Variants in DOCK2 observed in about 807,000 individuals in gnomAD.
The protein encoded by DOCK2 is dedicator of cytokinesis 2.
In DOCK2, 87 loss-of-function variants were observed where a neutral mutation model predicts 248.9. The observed-to-expected ratio is 0.35, with a 90% CI of 0.29 to 0.42. The LOEUF (loss-of-function observed/expected upper bound fraction) is 0.42. Among genes scored for constraint, DOCK2 ranks in the 10% least tolerant of loss-of-function variants. DOCK2 has a pLI of 1.00. For synonymous variants in DOCK2, 805 were observed against 821.6 expected, an observed-to-expected ratio of 0.98 and a Z score of 0.35; for missense variants, 1,747 against 2,300.2, an observed-to-expected ratio of 0.76 and a Z score of 4.92.
intron 27 of DOCK2, among the ~76,000 whole-genome samples, chr5:169,874,497 G>A (rs771900258): frequency 1.3e-4 from 19 of 151,448 alleles, no homozygotes; most frequent in African/African-American, 4.4e-4. Flanking sequence ...CAGATTCTGC[G>A]TGGCATTTAG....
chr5:169,735,836 A>G (rs767877976), intron 22 of DOCK2, among the ~76,000 whole-genome samples: 3 of 152,116 alleles, frequency 2.0e-5, no homozygotes, highest in East Asian at 3.9e-4. Flanking sequence ...AATGGACTCA[A>G]CACTTCCACA....
chr5:169,863,366 T>C (rs1561773812), intron 27 of DOCK2, among the ~76,000 whole-genome samples: 1 of 152,236 alleles, frequency 6.6e-6, no homozygotes, highest in Admixed American at 6.5e-5. Flanking sequence ...CTTAGCCTTA[T>C]CTATGTTACT....
At chr5:169,814,473 C>T (rs777284534) in intron 26 of DOCK2, among the ~76,000 whole-genome samples, 26 of 152,064 alleles carry the variant, frequency 1.7e-4, no homozygotes, top group Non-Finnish European at 3.1e-4. Context: ...GAATCATGGA[C>T]GAGAAAATGG....
At chr5:170,047,840 G>A (rs965806698) in intron 40 of DOCK2, among the ~76,000 whole-genome samples, 2 of 152,146 alleles carry the variant, frequency 1.3e-5, no homozygotes, top group African/African-American at 2.4e-5. Flanking sequence ...CAGCTGCCTC[G>A]TGAGGTAGTG....
At chr5:170,034,682 G>A in intron 35 of DOCK2, 127 bp downstream of exon 35, 3 of 1,321,002 alleles carry the variant, frequency 2.3e-6, no homozygotes, top group Non-Finnish European at 3.0e-6. Flanking sequence ...AGACAAATGT[G>A]GAATGGAACG....
chr5:169,771,129 T>G (rs1765063286), intron 25 of DOCK2, among the ~76,000 whole-genome samples: 1 of 152,246 alleles, frequency 6.6e-6, no homozygotes, highest in East Asian at 1.9e-4. Context: ...GCCCTACTTC[T>G]TAACCTTTGC....
At chr5:169,883,811 G>A (rs780471133) in intron 27 of DOCK2, 6 of 1,550,540 alleles carry the variant, frequency 3.9e-6, no homozygotes, top group African/African-American at 2.7e-5. Context: ...TTGCTCCTGC[G>A]GTGGTGAGGT....
At chr5:169,958,063 G>A (rs1163607017) in intron 27 of DOCK2, among the ~76,000 whole-genome samples, 10 of 152,146 alleles carry the variant, frequency 6.6e-5, no homozygotes, top group Admixed American at 5.2e-4. Flanking sequence ...CAGGGGATAC[G>A]TTCCCTGTGT....
chr5:169,950,513 C>T (rs1776617092), intron 27 of DOCK2, among the ~76,000 whole-genome samples: 1 of 152,172 alleles, frequency 6.6e-6, no homozygotes, highest in Admixed American at 6.5e-5. Flanking sequence ...TTTTGGGCCA[C>T]ACAACATGGC....
intron 17 of DOCK2, among the ~76,000 whole-genome samples, chr5:169,712,527 G>A (rs920350135): frequency 2.6e-5 from 4 of 152,196 alleles, no homozygotes; most frequent in Admixed American, 1.3e-4. Context: ...GTTAATGACT[G>A]TTATATACTC....
intron 44 of DOCK2, among the ~76,000 whole-genome samples, chr5:170,064,895 G>A (rs1757439963): frequency 6.6e-6 from 1 of 152,130 alleles, no homozygotes; most frequent in Non-Finnish European, 1.5e-5. Context: ...GGAAGAGGAT[G>A]CTAGTTAGTA....
chr5:169,824,553 G>A (rs1312851626), intron 26 of DOCK2, among the ~76,000 whole-genome samples: 2 of 152,196 alleles, frequency 1.3e-5, no homozygotes, highest in Non-Finnish European at 2.9e-5. Flanking sequence ...ATGGTGCTGG[G>A]AAAACTGGCT....
chr5:169,637,506 G>A (rs1756892640), intron 1 of DOCK2, 137 bp downstream of exon 1: 2 of 1,038,136 alleles, frequency 1.9e-6, no homozygotes, highest in African/African-American at 1.7e-5. Context: ...GCCTGCGGCG[G>A]GGCCTCGGGG....
chr5:169,887,928 G>A (rs1773064737), intron 27 of DOCK2, among the ~76,000 whole-genome samples: 1 of 152,092 alleles, frequency 6.6e-6, no homozygotes, highest in Non-Finnish European at 1.5e-5. Flanking sequence ...TTTAATCATT[G>A]CCAATAAAGT....
rs548535744 is a variant in DOCK2 at position 169,829,947 on chromosome 5, C to T, written c.2704-10810C>T. Among the ~76,000 whole-genome samples, 9 of 152,290 alleles carry T rather than the reference C, an allele frequency of 5.9e-5. No individual in the cohort carries two copies. In the South Asian group the frequency reaches 1.9e-3, roughly 32 times the overall value. On this transcript the variant is annotated intron_variant, in intron 26 of 51. Transcript: ENST00000520908. ...GAAAGTAGACTGGAGATGCAGGTCC[C>T]TTGGGCAAGACATATCTGCTATCTC... is the stretch of plus-strand genomic sequence containing the variant.
At chr5:170,033,886 T>C (rs1285813100) in intron 34 of DOCK2, among the ~76,000 whole-genome samples, 2 of 152,246 alleles carry the variant, frequency 1.3e-5, no homozygotes, top group Non-Finnish European at 2.9e-5. Flanking sequence ...AATGTCTTCA[T>C]AGAATTCCAT....
chr5:169,798,203 C>T lies in DOCK2; in HGVS notation c.2555-4855C>T, dbSNP rs80346914. ...TTTCCACCTAGCAAATATATCCTTC[C>T]TCCTGCAACTTCCTCGGAACCTATG... On this transcript the variant is annotated intron_variant, in intron 25 of 51. Transcript: ENST00000520908. 3.4e-3 allele frequency among the ~76,000 whole-genome samples: 520 copies of T among 152,326 alleles called. 20 individuals are homozygous for T. In the East Asian group the frequency reaches 0.068, roughly 20 times the overall value.
chr5:170,080,387 C>A, intron 50 of DOCK2, 104 bp downstream of exon 50: 1 of 1,534,372 alleles, frequency 6.5e-7, no homozygotes, highest in South Asian at 1.2e-5. Flanking sequence ...ACAAAGTGGG[C>A]CAGGCATCCT....
chr5:170,035,867 C>T (rs1027249314), intron 35 of DOCK2, among the ~76,000 whole-genome samples: 24 of 152,044 alleles, frequency 1.6e-4, no homozygotes, highest in African/African-American at 5.3e-4. Context: ...ATGGATTGGA[C>T]CAGGACCACC....
Sources: gnomAD v4.1 joint callset for allele counts (sites outside exome capture counted in the v4.1 genomes callset) on GRCh38, gnomAD v4.1.1 for gene constraint, MANE v1.5 for transcripts, NCBI Gene and HGNC (gene_info 2026-07-23, HGNC 2026-07-21) for gene names.